KALRN: variants seen among roughly 807,000 people sequenced by gnomAD.
KALRN encodes the protein kalirin.
KALRN carries 70 observed loss-of-function variants against 353.7 expected under a neutral mutation model. The observed-to-expected ratio is 0.20, with a 90% CI of 0.16 to 0.24. The LOEUF is 0.24. Ranked by LOEUF, KALRN falls within the 10% of genes least tolerant of loss-of-function variation. The pLI, the probability that KALRN is intolerant of heterozygous loss-of-function variation, is 1.00. For synonymous variants in KALRN, 1,391 were observed against 1,434.8 expected, an observed-to-expected ratio of 0.97 and a Z score of 0.69; for missense variants, 2,791 against 3,756.7, an observed-to-expected ratio of 0.74 and a Z score of 6.72.
chr3:124,717,743 C>T (rs2063213709), intron 59 of KALRN, among the ~76,000 whole-genome samples: 1 of 152,082 alleles, frequency 6.6e-6, no homozygotes, highest in African/African-American at 2.4e-5. Context: ...ATGGCCAAGT[C>T]CAACTTACCA....
At chr3:124,579,833 C>T (rs1050757535) in intron 34 of KALRN, among the ~76,000 whole-genome samples, 3 of 152,150 alleles carry the variant, frequency 2.0e-5, no homozygotes, top group African/African-American at 7.2e-5. Flanking sequence ...ATGCTCATTG[C>T]ATAAACTCGA....
chr3:124,527,290 A>G (rs771174479), intron 33 of KALRN, among the ~76,000 whole-genome samples: 1 of 152,060 alleles, frequency 6.6e-6, no homozygotes, highest in East Asian at 1.9e-4. Context: ...GATTTTATAA[A>G]TCTCTCTTTA....
intron 29 of KALRN, 180 bp downstream of exon 29, chr3:124,488,495 A>G (rs1031698286): frequency 4.1e-5 from 24 of 580,418 alleles, no homozygotes; most frequent in African/African-American, 3.7e-4. Flanking sequence ...CAATTTGGCT[A>G]GCACCCTGCT....
chr3:124,595,050 C>T (rs1005755038), intron 34 of KALRN, among the ~76,000 whole-genome samples: 2 of 151,118 alleles, frequency 1.3e-5, no homozygotes, highest in African/African-American at 2.4e-5. Flanking sequence ...GGAAGAGAAC[C>T]TTGATTTTTT....
intron 14 of KALRN, among the ~76,000 whole-genome samples, chr3:124,421,992 T>TAACA (rs2092803941): frequency 6.6e-6 from 1 of 152,100 alleles, no homozygotes; most frequent in African/African-American, 2.4e-5. Flanking sequence ...TGTTGGGTGG[T>TAACA]TTATACATAA....
chr3:124,538,375 TAAG>T (rs1329565574), intron 33 of KALRN, among the ~76,000 whole-genome samples: 5 of 152,210 alleles, frequency 3.3e-5, no homozygotes, highest in Admixed American at 2.6e-4. Context: ...CTTAAGTAGT[TAAG>T]AAGAAATTAT....
At position 124,221,593 on chromosome 3, in the gene KALRN, G is replaced by A. The variant is rs182302833; in HGVS notation, c.74-6397G>A. ...CAGAGGAAATGACACATTAGAGAGAGATTTAAGAGGTAGGATCAACAGAAC... is the reference window on the plus strand; with the variant it reads ...CAGAGGAAATGACACATTAGAGAGAAATTTAAGAGGTAGGATCAACAGAAC... On this transcript the variant is annotated intron_variant, in intron 1 of 59. Coordinates refer to ENST00000682506, the MANE Select transcript of KALRN (RefSeq NM_001388419.1). Among the ~76,000 whole-genome samples, 266 of 152,278 alleles carry A rather than the reference G, an allele frequency of 1.7e-3. 1 individual carries two copies. The highest frequency in any genetic ancestry group is 6.2e-3 in the African/African-American group (259 of 41,538).
intron 1 of KALRN, among the ~76,000 whole-genome samples, chr3:124,047,744 C>T (rs1296342896): frequency 6.6e-6 from 1 of 151,724 alleles, no homozygotes; most frequent in Non-Finnish European, 1.5e-5. Flanking sequence ...ACCTCATGAT[C>T]CGCCTGCCTT....
chr3:124,275,984 A>T (rs1381512535), intron 5 of KALRN, among the ~76,000 whole-genome samples: 1 of 152,160 alleles, frequency 6.6e-6, no homozygotes, highest in Admixed American at 6.5e-5. Flanking sequence ...CCCAGAGAAA[A>T]GTGATTCTTC....
At chr3:124,670,974 G>C (rs981308874) in intron 47 of KALRN, among the ~76,000 whole-genome samples, 3 of 151,854 alleles carry the variant, frequency 2.0e-5, no homozygotes, top group African/African-American at 4.8e-5. Context: ...ACCTCACCAC[G>C]CCCACATCCA....
At chr3:124,213,507 A>T (rs1000151114) in intron 1 of KALRN, among the ~76,000 whole-genome samples, 1 of 152,078 alleles carries the variant, frequency 6.6e-6, no homozygotes, top group East Asian at 1.9e-4. Context: ...TATCTTTTTT[A>T]AAAAAAGTTT....
intron 21 of KALRN, among the ~76,000 whole-genome samples, chr3:124,447,158 T>G (rs2150685162): frequency 6.6e-6 from 1 of 152,310 alleles, no homozygotes; most frequent in African/African-American, 2.4e-5. Context: ...TTCTGGAATC[T>G]GCTGTATTCT....
chr3:124,704,334 T>C (rs903568092), intron 57 of KALRN, among the ~76,000 whole-genome samples: 1 of 152,208 alleles, frequency 6.6e-6, no homozygotes, highest in Non-Finnish European at 1.5e-5. Flanking sequence ...GGTTAAGTCA[T>C]GTTTTAGCTA....
chr3:124,437,688 TCAA>T (rs2093522750), intron 17 of KALRN, among the ~76,000 whole-genome samples: 1 of 10,854 alleles, frequency 9.2e-5, no homozygotes, highest in African/African-American at 3.7e-4. Flanking sequence ...AGATTCCGTC[TCAA>T]AAAAAAAAAA....
intron 34 of KALRN, among the ~76,000 whole-genome samples, chr3:124,598,982 C>G (rs949848546): frequency 6.6e-6 from 1 of 152,100 alleles, no homozygotes; most frequent in African/African-American, 2.4e-5. Flanking sequence ...GCCTCACACA[C>G]ATTTCTAAGT....
intron 34 of KALRN, among the ~76,000 whole-genome samples, chr3:124,594,991 T>A (rs924541): frequency 0.048 from 7,287 of 151,986 alleles, 584 homozygotes; most frequent in African/African-American, 0.16. Flanking sequence ...TTATTTATTT[T>A]TTTGAGATAT....
At chr3:124,571,630 G>A (rs2073518598) in intron 34 of KALRN, among the ~76,000 whole-genome samples, 1 of 151,988 alleles carries the variant, frequency 6.6e-6, no homozygotes, top group South Asian at 2.1e-4. Flanking sequence ...CTCTGCATCA[G>A]GTAATTACCT....
intron 6 of KALRN, among the ~76,000 whole-genome samples, chr3:124,300,993 C>T (rs1459983218): frequency 6.6e-6 from 1 of 152,128 alleles, no homozygotes; most frequent in Non-Finnish European, 1.5e-5. Flanking sequence ...TATTTGTGTG[C>T]CTTGTGGATT....
chr3:124,180,406 T>G (rs182793846), intron 1 of KALRN, among the ~76,000 whole-genome samples: 1 of 150,190 alleles, frequency 6.7e-6, no homozygotes, highest in African/African-American at 2.4e-5. Context: ...CCAGCTTTCA[T>G]CAAGAAAGGT....
Sources: allele counts gnomAD v4.1 joint callset (sites outside exome capture counted in the v4.1 genomes callset), GRCh38; gene constraint gnomAD v4.1.1; transcripts MANE v1.5; gene names NCBI Gene and HGNC (gene_info 2026-07-23, HGNC 2026-07-21).